Variants in LARGE1 observed in about 807,000 individuals in gnomAD.
LARGE1 encodes xylosyl- and glucuronyltransferase LARGE1.
LARGE1 carries 43 observed loss-of-function variants against 87.6 expected under a neutral mutation model. The ratio of observed to expected loss-of-function variants is 0.49; its 90% CI spans 0.38 to 0.63. LARGE1 has a LOEUF of 0.63. LARGE1 is among the 30% of genes least tolerant of loss of function. The probability of loss-of-function intolerance (pLI) is 0.00; values close to 1 mark genes in which losing one functional copy is unlikely to be tolerated. For missense variants in LARGE1, 802 were observed against 1,000.2 expected, an observed-to-expected ratio of 0.80 and a Z score of 2.67; for synonymous variants, 434 against 394.6, an observed-to-expected ratio of 1.10 and a Z score of -1.18.
chr22:33,798,499 G>A (rs984141338), intron 1 of LARGE1, among the ~76,000 whole-genome samples: 1 of 152,178 alleles, frequency 6.6e-6, no homozygotes, highest in African/African-American at 2.4e-5. Context: ...GAAAGGGAGA[G>A]CTGACAGAAG....
intron 1 of LARGE1, among the ~76,000 whole-genome samples, chr22:33,821,870 TA>T: frequency 6.6e-6 from 1 of 150,748 alleles, no homozygotes; most frequent in East Asian, 1.9e-4. Flanking sequence ...CCAAGTGCAT[TA>T]AAAACTTCAT....
chr22:33,519,998 CTTTTTTTTTTT>C (rs397868082), intron 6 of LARGE1, among the ~76,000 whole-genome samples: 18 of 97,254 alleles, frequency 1.9e-4, no homozygotes, highest in African/African-American at 6.8e-4. Flanking sequence ...TGGTTTTTCT[CTTTTTTTTTTT>C]TTTTTTTTTT....
chr22:33,792,792 C>T (rs2085258888), intron 1 of LARGE1, among the ~76,000 whole-genome samples: 1 of 152,196 alleles, frequency 6.6e-6, no homozygotes, highest in African/African-American at 2.4e-5. Flanking sequence ...CTTTCTCTCC[C>T]CCATTCTTAG....
intron 1 of LARGE1, among the ~76,000 whole-genome samples, chr22:33,864,554 A>G (rs1184779205): frequency 1.3e-5 from 2 of 152,150 alleles, no homozygotes; most frequent in Non-Finnish European, 2.9e-5. Context: ...ACCAGGCAAG[A>G]CTGTAAGCTC....
At chr22:33,558,917 C>G (rs928262928) in intron 6 of LARGE1, among the ~76,000 whole-genome samples, 1 of 152,156 alleles carries the variant, frequency 6.6e-6, no homozygotes. Context: ...GGCAGGAGTC[C>G]TTAGAGAAAA....
Position 33,352,527 on chromosome 22 carries a change from G to C in LARGE1, c.1132-14726C>G, listed in dbSNP as rs555432268. 2.0e-5 allele frequency among the ~76,000 whole-genome samples: 3 copies of C among 152,234 alleles called. No individual in the cohort carries two copies. In the South Asian group the frequency reaches 6.2e-4, roughly 32 times the overall value. ...CCAGCACTCTGGGAGGCCGAGGTGG[G>C]CAGATCACCTGAGGTCAGGAGTTTA... On this transcript the variant is annotated intron_variant, in intron 9 of 14. Coordinates refer to ENST00000397394, the MANE Select transcript of LARGE1 (RefSeq NM_133642.5).
downstream of LARGE1, among the ~76,000 whole-genome samples, chr22:33,272,062 AT>A (rs1314569413): frequency 1.3e-5 from 2 of 152,230 alleles, no homozygotes; most frequent in African/African-American, 4.8e-5. Context: ...GCCCATAAAA[AT>A]GCAAGTGAAA....
At position 33,783,362 on chromosome 22, in the gene LARGE1, C is replaced by T. The variant is rs548924870; in HGVS notation, c.-82-21804G>A. On this transcript the variant is annotated intron_variant, in intron 1 of 14. Coordinates refer to ENST00000397394, the MANE Select transcript of LARGE1 (RefSeq NM_133642.5). ...GGTGGATCACCTGAGGTCAGGAGTTCGAGAACAGCCTGGCCAACATGGCAA... is the reference window on the plus strand; with the variant it reads ...GGTGGATCACCTGAGGTCAGGAGTTTGAGAACAGCCTGGCCAACATGGCAA... Among the ~76,000 whole-genome samples the T allele has an allele frequency of 8.5e-5, 13 of 152,224 alleles. No homozygotes were observed. The East Asian group carries it at 2.3e-3, about 27-fold the overall frequency.
chr22:33,415,720 G>C lies in LARGE1; in HGVS notation c.892+16441C>G, dbSNP rs534482408. Among the ~76,000 whole-genome samples, 24 of 152,262 alleles carry C rather than the reference G, an allele frequency of 1.6e-4. No individual in the cohort carries two copies. In the South Asian group the frequency reaches 3.9e-3, roughly 25 times the overall value. On this transcript the variant is annotated intron_variant, in intron 7 of 14. Transcript: ENST00000397394. The stretch of plus-strand genomic sequence containing the variant: ...CTTTAGTGCCCTGGGCCTGTGGATG[G>C]GAGCTTCTGCATATGTTTCAACAGG...
intron 2 of LARGE1, among the ~76,000 whole-genome samples, chr22:33,711,682 T>G (rs1411121112): frequency 6.6e-6 from 1 of 152,226 alleles, no homozygotes; most frequent in East Asian, 1.9e-4. Flanking sequence ...GGTCTCACTT[T>G]ATCACCCAGG....
intron 5 of LARGE1, among the ~76,000 whole-genome samples, chr22:33,577,029 A>G (rs2078374149): frequency 6.6e-6 from 1 of 152,214 alleles, no homozygotes; most frequent in Non-Finnish European, 1.5e-5. Flanking sequence ...GTATTTAGTT[A>G]TATTTCATTC....
In LARGE1 at chr22:33,398,218, GA is replaced by G. The variant is rs67475224; in HGVS notation, c.893-13915del. Among the ~76,000 whole-genome samples, 1,374 of 143,164 alleles carry G rather than the reference GA, an allele frequency of 9.6e-3. 18 individuals carry two copies. The highest frequency in any genetic ancestry group is 0.032 in the African/African-American group (1,243 of 39,184). The allele number at this position is 143,164 out of a possible 152,430, so 93.9% of individuals were successfully genotyped here. A position where few individuals can be genotyped will look rare whatever the true frequency, so the allele number is the denominator to read the frequency against. The stretch of plus-strand genomic sequence containing the variant: ...CTTTTCTGGAATCTATATTAAGCTA[GA>G]AAAAAAAAAACCTCAAAGAAGGTTA... On this transcript the variant is annotated intron_variant, in intron 7 of 14. Coordinates refer to ENST00000397394, the MANE Select transcript of LARGE1 (RefSeq NM_133642.5).
intron 2 of LARGE1, among the ~76,000 whole-genome samples, chr22:33,651,476 C>T (rs537447442): frequency 7.7e-4 from 117 of 151,226 alleles, no homozygotes; most frequent in Non-Finnish European, 1.1e-3. Context: ...ATACATCTTT[C>T]AAAATCCTGT....
intron 2 of LARGE1, among the ~76,000 whole-genome samples, chr22:33,706,432 G>T (rs1427780957): frequency 6.6e-6 from 1 of 152,186 alleles, no homozygotes; most frequent in Non-Finnish European, 1.5e-5. Flanking sequence ...AGCAGCAAGA[G>T]TATCCTGGTA....
chr22:33,914,940 C>T (rs981122432), intron 1 of LARGE1, among the ~76,000 whole-genome samples: 15 of 151,770 alleles, frequency 9.9e-5, no homozygotes, highest in Non-Finnish European at 1.3e-4. Flanking sequence ...TCCCCTGGGG[C>T]TTGATTAAAG....
intron 3 of LARGE1, 113 bp from the exon 4 acceptor site, chr22:33,626,439 G>C (rs893497114): frequency 2.6e-6 from 2 of 783,542 alleles, no homozygotes; most frequent in Non-Finnish European, 4.4e-6. Context: ...GGCATCATTA[G>C]AAAACAAAGG....
intron 3 of LARGE1, among the ~76,000 whole-genome samples, chr22:33,633,017 G>A (rs1001699183): frequency 3.3e-5 from 5 of 152,258 alleles, no homozygotes; most frequent in South Asian, 4.1e-4. Context: ...ACTGTGAACT[G>A]GGTTCATTCC....
At chr22:33,097,205 T>C in the LARGE1 span, among the ~76,000 whole-genome samples, 1 of 152,172 alleles carries the variant, frequency 6.6e-6, no homozygotes, top group South Asian at 2.1e-4. Context: ...GGATAAGCCT[T>C]GGGCACATCT....
intron 12 of LARGE1, among the ~76,000 whole-genome samples, chr22:33,297,841 G>A (rs573803503): frequency 2.6e-5 from 4 of 151,768 alleles, no homozygotes; most frequent in Admixed American, 1.3e-4. Flanking sequence ...TTAGCGAGGC[G>A]TGGTGGCAGG....
Sources: allele counts gnomAD v4.1 joint callset (sites outside exome capture counted in the v4.1 genomes callset), GRCh38; gene constraint gnomAD v4.1.1; transcripts MANE v1.5; gene names NCBI Gene and HGNC (gene_info 2026-07-23, HGNC 2026-07-21).